Variants in MGMT observed in about 807,000 individuals in gnomAD.
The protein encoded by MGMT is methylated-DNA--protein-cysteine methyltransferase.
A neutral mutation model predicts 15.9 loss-of-function variants in MGMT; 14 were observed. The observed-to-expected ratio is 0.88, with a 90% CI of 0.58 to 1.37. The LOEUF (loss-of-function observed/expected upper bound fraction) is 1.37, where lower values mean the gene tolerates loss of function less well. Among genes scored for constraint, MGMT ranks in the 40% most tolerant of loss-of-function variants. MGMT has a pLI of 0.00. For synonymous variants in MGMT, 130 were observed against 118.2 expected (o/e 1.10, Z -0.65); for missense variants, 282 against 268.1 (o/e 1.05, Z -0.36).
intron 1 of MGMT, among the ~76,000 whole-genome samples, chr10:129,483,606 T>C (rs918971187): frequency 1.3e-5 from 2 of 152,212 alleles, no homozygotes; most frequent in Non-Finnish European, 2.9e-5. Context: ...GCATAGTTTC[T>C]GATGATCAGT....
At chr10:129,525,925 C>T (rs548379655) in intron 1 of MGMT, among the ~76,000 whole-genome samples, 10 of 152,320 alleles carry the variant, frequency 6.6e-5, no homozygotes, top group Admixed American at 1.3e-4. Context: ...CGTTTGGGAA[C>T]GCCGTTTGGA....
intron 1 of MGMT, among the ~76,000 whole-genome samples, chr10:129,482,293 T>C (rs981882539): frequency 4.6e-5 from 7 of 152,232 alleles, no homozygotes; most frequent in African/African-American, 2.4e-5. Flanking sequence ...ATACCTGTTA[T>C]GATTTTAATC....
chr10:129,770,928 T>C lies in MGMT; in HGVS notation c.*3931T>C, dbSNP rs757251390. ...CAGACCTCAGACCGTGTGGGTTTTTTTTTCTTTCTTTCTTTCCTGTTCATG... is the reference window on the plus strand; with the variant it reads ...CAGACCTCAGACCGTGTGGGTTTTTCTTTCTTTCTTTCTTTCCTGTTCATG... On this transcript the variant is annotated 3_prime_UTR_variant, in exon 5 of 5. Transcript: ENST00000651593. 5.8e-4 allele frequency among the ~76,000 whole-genome samples: 87 copies of C among 150,540 alleles called. No homozygotes were observed. The highest frequency in any genetic ancestry group is 4.5e-3 in the Admixed American group (68 of 15,266).
At chr10:129,603,330 G>C (rs1457840758) in intron 2 of MGMT, among the ~76,000 whole-genome samples, 1 of 152,248 alleles carries the variant, frequency 6.6e-6, no homozygotes, top group Middle Eastern at 3.2e-3. Flanking sequence ...CCCAAAGACA[G>C]ATGATTAGCA....
At chr10:129,748,346 A>T (rs759839183) in intron 3 of MGMT, among the ~76,000 whole-genome samples, 2 of 152,084 alleles carry the variant, frequency 1.3e-5, no homozygotes, top group South Asian at 4.1e-4. Flanking sequence ...GAGATTGTGC[A>T]GTTTGCTCCT....
At chr10:129,727,957 C>T (rs2133159911) in intron 3 of MGMT, among the ~76,000 whole-genome samples, 1 of 152,270 alleles carries the variant, frequency 6.6e-6, no homozygotes, top group Non-Finnish European at 1.5e-5. Context: ...GCAAGCAATC[C>T]CTTCTGGCTG....
At chr10:129,694,359 C>T (rs1375487517) in intron 2 of MGMT, 2 of 152,272 alleles carry the variant, frequency 1.3e-5, no homozygotes, top group African/African-American at 2.4e-5. Context: ...ATCCTGACAC[C>T]ACCTCCTGCC....
intron 3 of MGMT, among the ~76,000 whole-genome samples, chr10:129,754,525 C>T (rs1178700433): frequency 6.6e-6 from 1 of 152,146 alleles, no homozygotes; most frequent in African/African-American, 2.4e-5. Context: ...TCAGAGATAA[C>T]ACCAAAAAGG....
intron 2 of MGMT, among the ~76,000 whole-genome samples, chr10:129,689,992 G>A (rs1847951945): frequency 6.6e-6 from 1 of 152,206 alleles, no homozygotes; most frequent in Admixed American, 6.5e-5. Flanking sequence ...CATTCAGATA[G>A]GCCCTAGGTC....
intron 2 of MGMT, among the ~76,000 whole-genome samples, chr10:129,554,549 G>A (rs774256113): frequency 2.0e-5 from 3 of 152,100 alleles, no homozygotes; most frequent in Non-Finnish European, 2.9e-5. Flanking sequence ...TTACTGGGCT[G>A]CAGTAAACAG....
At chr10:129,570,758 A>G (rs936303284) in intron 2 of MGMT, among the ~76,000 whole-genome samples, 2 of 152,224 alleles carry the variant, frequency 1.3e-5, no homozygotes, top group African/African-American at 2.4e-5. Flanking sequence ...AATTTAGTTA[A>G]TAAGAATTTT....
At chr10:129,491,559 G>A (rs74702182) in intron 1 of MGMT, among the ~76,000 whole-genome samples, 3 of 152,068 alleles carry the variant, frequency 2.0e-5, no homozygotes, top group East Asian at 1.9e-4. Flanking sequence ...CTTTCCTCTC[G>A]GAGTTGAATT....
At chr10:129,519,646 G>A (rs1047877549) in intron 1 of MGMT, among the ~76,000 whole-genome samples, 3 of 152,086 alleles carry the variant, frequency 2.0e-5, no homozygotes, top group Non-Finnish European at 2.9e-5. Flanking sequence ...CTTCCATTCG[G>A]GACACTGAGT....
chr10:129,562,344 G>A (rs1190577182), intron 2 of MGMT, among the ~76,000 whole-genome samples: 3 of 152,182 alleles, frequency 2.0e-5, no homozygotes, highest in Admixed American at 1.3e-4. Flanking sequence ...GGCTCCATCC[G>A]GGGATTTGAT....
chr10:129,733,054 G>C (rs1276836831), intron 3 of MGMT, among the ~76,000 whole-genome samples: 1 of 151,000 alleles, frequency 6.6e-6, no homozygotes, highest in Non-Finnish European at 1.5e-5. Flanking sequence ...ATGATTTATA[G>C]TCCTTTGGGT....
rs532071456 is a variant in MGMT, at chr10:129,553,570, C to T, written c.125+17193C>T. On this transcript the variant is annotated intron_variant, in intron 2 of 4. Transcript: ENST00000651593. ...TAAAATGAGAACTCTTTTCAGCAAA[C>T]GCTGATGGAGCTTTCTGTGTCTCGT... 2.6e-5 allele frequency among the ~76,000 whole-genome samples: 4 copies of T among 152,302 alleles called. No homozygotes were observed. The South Asian group carries it at 6.2e-4, about 24-fold the overall frequency.
chr10:129,558,529 C>T (rs1286460476), intron 2 of MGMT, among the ~76,000 whole-genome samples: 1 of 152,142 alleles, frequency 6.6e-6, no homozygotes, highest in Non-Finnish European at 1.5e-5. Flanking sequence ...GCCAGTTTGC[C>T]TGGTGGGGAG....
intron 2 of MGMT, among the ~76,000 whole-genome samples, chr10:129,539,828 T>C (rs1363609384): frequency 6.6e-6 from 1 of 152,172 alleles, no homozygotes; most frequent in Non-Finnish European, 1.5e-5. Context: ...TGATGCTAGG[T>C]AATGTGAGTC....
chr10:129,631,844 T>A (rs1406711443), intron 2 of MGMT, among the ~76,000 whole-genome samples: 1 of 151,936 alleles, frequency 6.6e-6, no homozygotes, highest in Non-Finnish European at 1.5e-5. Context: ...ATAAATAAAA[T>A]AAAAAATGTA....
Sources: gnomAD v4.1 joint callset for allele counts (sites outside exome capture counted in the v4.1 genomes callset) on GRCh38, gnomAD v4.1.1 for gene constraint, MANE v1.5 for transcripts, NCBI Gene and HGNC (gene_info 2026-07-23, HGNC 2026-07-21) for gene names.